The following LMX1A variants were observed in gnomAD, a reference collection of about 807,000 sequenced individuals.
LMX1A encodes LIM homeobox transcription factor 1-alpha.
In LMX1A, 15 loss-of-function variants were observed where a neutral mutation model predicts 49.1. The ratio of observed to expected loss-of-function variants is 0.31; its 90% confidence interval spans 0.20 to 0.47. The LOEUF (loss-of-function observed/expected upper bound fraction) is 0.47, where lower values mean the gene tolerates loss of function less well. LMX1A is among the 20% of genes least tolerant of loss of function. The pLI is 1.00. For synonymous variants in LMX1A, 167 were observed against 185.7 expected, an observed-to-expected ratio of 0.90 and a Z score of 0.82; for missense variants, 372 against 475.8, an observed-to-expected ratio of 0.78 and a Z score of 2.03.
chr1:165,227,544 A>AATACATACATACATAC (rs1557855829), intron 4 of LMX1A, among the ~76,000 whole-genome samples: 2 of 109,080 alleles, frequency 1.8e-5, no homozygotes, highest in Non-Finnish European at 4.1e-5. Flanking sequence ...CTATCTCAAT[A>AATACATACATACATAC]ATACATACGT....
At chr1:165,298,963 T>C (rs1654700985) in intron 3 of LMX1A, among the ~76,000 whole-genome samples, 1 of 152,214 alleles carries the variant, frequency 6.6e-6, no homozygotes, top group African/African-American at 2.4e-5. Flanking sequence ...CTGTCTTCAA[T>C]AATAATTTTA....
chr1:165,235,810 C>G (rs1357630701), intron 4 of LMX1A, among the ~76,000 whole-genome samples: 1 of 152,226 alleles, frequency 6.6e-6, no homozygotes, highest in African/African-American at 2.4e-5. Flanking sequence ...AGGGGAGGCT[C>G]TAATTGAAGT....
chr1:165,217,726 C>T (rs1026803217), intron 4 of LMX1A, among the ~76,000 whole-genome samples: 4 of 152,192 alleles, frequency 2.6e-5, no homozygotes, highest in African/African-American at 9.7e-5. Context: ...AAAAAATCCA[C>T]ATATAAGTGG....
intron 3 of LMX1A, among the ~76,000 whole-genome samples, chr1:165,319,188 C>T (rs1363524642): frequency 1.3e-5 from 2 of 152,106 alleles, no homozygotes; most frequent in African/African-American, 4.8e-5. Context: ...CTCCATATTA[C>T]CTCTACTATT....
At chr1:165,274,027 A>G (rs1218133781) in intron 3 of LMX1A, among the ~76,000 whole-genome samples, 2 of 152,220 alleles carry the variant, frequency 1.3e-5, no homozygotes, top group Non-Finnish European at 2.9e-5. Context: ...GTCAAACATA[A>G]TTGTCATCCC....
At chr1:165,300,082 C>G (rs143244386) in intron 3 of LMX1A, among the ~76,000 whole-genome samples, 94 of 148,494 alleles carry the variant, frequency 6.3e-4, no homozygotes, top group African/African-American at 2.3e-3. Context: ...TCTCATGGTG[C>G]TTCTGATCTC....
chr1:165,232,852 C>T (rs1401951588), intron 4 of LMX1A, among the ~76,000 whole-genome samples: 2 of 152,282 alleles, frequency 1.3e-5, no homozygotes, highest in Non-Finnish European at 1.5e-5. Flanking sequence ...TGTCAAGCAA[C>T]CTAACATGTG....
rs977833043 is a variant in LMX1A at position 165,287,213 on chromosome 1, G to A, written c.264-37573C>T. ...TCCTTCCATAAAATCCACCTGATCCGGTCCAATCATCATATTCTGAAGATG... is the reference window on the plus strand; with the variant it reads ...TCCTTCCATAAAATCCACCTGATCCAGTCCAATCATCATATTCTGAAGATG... On this transcript the variant is annotated intron_variant, in intron 3 of 8. Coordinates refer to ENST00000342310, the MANE Select transcript of LMX1A (RefSeq NM_177398.4). Among the ~76,000 whole-genome samples the A allele has an allele frequency of 8.5e-5, 13 of 152,152 alleles. No homozygotes were observed. The East Asian group carries it at 9.7e-4, about 11-fold the overall frequency.
chr1:165,251,186 G>T (rs548876936), intron 3 of LMX1A, among the ~76,000 whole-genome samples: 1 of 151,748 alleles, frequency 6.6e-6, no homozygotes, highest in Non-Finnish European at 1.5e-5. Context: ...GGGTTCAAGC[G>T]ATTCTCCTGC....
intron 3 of LMX1A, among the ~76,000 whole-genome samples, chr1:165,331,031 T>G (rs1485059382): frequency 2.0e-5 from 3 of 152,186 alleles, no homozygotes; most frequent in African/African-American, 7.2e-5. Context: ...TTTTAAAAAA[T>G]AAGATATAAA....
chr1:165,228,353 G>T (rs1463330301), intron 4 of LMX1A, among the ~76,000 whole-genome samples: 1 of 152,202 alleles, frequency 6.6e-6, no homozygotes, highest in Non-Finnish European at 1.5e-5. Flanking sequence ...CTAGCAGGTA[G>T]TAGCAGCTTT....
chr1:165,207,821 G>A (rs571388722), intron 7 of LMX1A, among the ~76,000 whole-genome samples: 5 of 152,192 alleles, frequency 3.3e-5, no homozygotes, highest in African/African-American at 4.8e-5. Context: ...AGGCCTGGAC[G>A]CTGTGGATAA....
At chr1:165,242,376 C>G (rs1283733390) in intron 4 of LMX1A, among the ~76,000 whole-genome samples, 2 of 151,820 alleles carry the variant, frequency 1.3e-5, no homozygotes, top group Non-Finnish European at 2.9e-5. Context: ...CCTAAAAGAG[C>G]CTTGCCTTAG....
chr1:165,313,804 G>C (rs1655143230), intron 3 of LMX1A, among the ~76,000 whole-genome samples: 1 of 152,194 alleles, frequency 6.6e-6, no homozygotes, highest in African/African-American at 2.4e-5. Flanking sequence ...TCTCATAGGA[G>C]CATACATGAA....
At chr1:165,271,845 G>A (rs1468488515) in intron 3 of LMX1A, among the ~76,000 whole-genome samples, 1 of 152,100 alleles carries the variant, frequency 6.6e-6, no homozygotes, top group Non-Finnish European at 1.5e-5. Flanking sequence ...CAGGTAGCTG[G>A]GGGCAGAATA....
At chr1:165,222,479 C>T (rs1391572010) in intron 4 of LMX1A, among the ~76,000 whole-genome samples, 1 of 152,178 alleles carries the variant, frequency 6.6e-6, no homozygotes, top group Non-Finnish European at 1.5e-5. Context: ...AATTACTAGT[C>T]TTTTGAAGGA....
At chr1:165,247,817 G>T (rs1239933764) in intron 4 of LMX1A, among the ~76,000 whole-genome samples, 1 of 152,110 alleles carries the variant, frequency 6.6e-6, no homozygotes, top group African/African-American at 2.4e-5. Context: ...GCTTAGAGAG[G>T]TTCCAAAATT....
At chr1:165,231,709 T>C (rs181066959) in intron 4 of LMX1A, among the ~76,000 whole-genome samples, 2 of 152,308 alleles carry the variant, frequency 1.3e-5, no homozygotes, top group East Asian at 3.9e-4. Flanking sequence ...AAAATTATAG[T>C]TGTTGTTATT....
intron 3 of LMX1A, among the ~76,000 whole-genome samples, chr1:165,341,527 A>G (rs546907888): frequency 1.8e-4 from 28 of 152,166 alleles, no homozygotes; most frequent in African/African-American, 6.7e-4. Flanking sequence ...AACAAAACCA[A>G]AACAAGAAGT....
Sources: allele counts gnomAD v4.1 joint callset (sites outside exome capture counted in the v4.1 genomes callset), GRCh38; gene constraint gnomAD v4.1.1; transcripts MANE v1.5; gene names NCBI Gene and HGNC (gene_info 2026-07-23, HGNC 2026-07-21).